The following ZRANB3 variants were observed in gnomAD, a reference collection of about 807,000 sequenced individuals.
ZRANB3 encodes the protein DNA annealing helicase and endonuclease ZRANB3.
ZRANB3 carries 125 observed loss-of-function variants against 133.8 expected under a neutral mutation model. The observed-to-expected ratio is 0.93, with a 90% CI of 0.81 to 1.08. The LOEUF is 1.08. Among genes scored for constraint, ZRANB3 ranks in the 50% least tolerant of loss-of-function variants. ZRANB3 has a pLI of 0.00. For synonymous variants in ZRANB3, 387 were observed against 432.7 expected, an observed-to-expected ratio of 0.89 and a Z score of 1.31; for missense variants, 1,229 against 1,275.5, an observed-to-expected ratio of 0.96 and a Z score of 0.56.
chr2:135,233,158 G>C (rs1472309723), intron 12 of ZRANB3, among the ~76,000 whole-genome samples: 1 of 152,218 alleles, frequency 6.6e-6, no homozygotes, highest in African/African-American at 2.4e-5. Context: ...ACAAGCCTCA[G>C]TAGCCGATTT....
chr2:135,231,933 A>G (rs1341173624), intron 12 of ZRANB3, among the ~76,000 whole-genome samples: 1 of 152,206 alleles, frequency 6.6e-6, no homozygotes, highest in Non-Finnish European at 1.5e-5. Context: ...GGGGAGTGTC[A>G]GACAGTGGGT....
At chr2:135,293,220 C>T (rs1366091217) in intron 8 of ZRANB3, among the ~76,000 whole-genome samples, 1 of 152,116 alleles carries the variant, frequency 6.6e-6, no homozygotes, top group African/African-American at 2.4e-5. Flanking sequence ...ATTCTTCCTA[C>T]CCATGAGCAT....
chr2:135,493,619 G>A lies in ZRANB3; in HGVS notation c.161+10710C>T, dbSNP rs185772466. ...AGTAAAACATAATAAGCTACATCTC[G>A]AATAGTCATTCATTTTGAATGCCTA... On this transcript the variant is annotated intron_variant, in intron 2 of 20. Coordinates refer to ENST00000264159, the MANE Select transcript of ZRANB3 (RefSeq NM_032143.4). 2.3e-4 allele frequency among the ~76,000 whole-genome samples: 35 copies of A among 152,118 alleles called. 1 individual carries two copies. Among genetic ancestry groups the A allele is most frequent in the Admixed American group, 1.8e-3 (28 of 15,266 alleles).
chr2:135,199,114 GTTA>G lies in ZRANB3; in HGVS notation c.*1225_*1227del, dbSNP rs1268042481. On this transcript the variant is annotated 3_prime_UTR_variant, in exon 21 of 21. Coordinates refer to ENST00000264159, the MANE Select transcript of ZRANB3 (RefSeq NM_032143.4). The stretch of plus-strand genomic sequence containing the variant: ...TATTTTATGTCAATTACATTTTAAT[GTTA>G]TTATTGTATATTTAAATGCATATAA... 6.6e-6 allele frequency: 1 copy of G among 152,072 alleles called. No individual in the cohort carries two copies. The highest frequency in any genetic ancestry group is 2.4e-5 in the African/African-American group (1 of 41,386). 9.4% of individuals were successfully genotyped at this position (152,072 alleles called of 1,614,324 possible). A position where few individuals can be genotyped will look rare whatever the true frequency, so the allele number is the denominator to read the frequency against.
chr2:135,298,589 C>T (rs911342679), intron 8 of ZRANB3, among the ~76,000 whole-genome samples: 1 of 152,116 alleles, frequency 6.6e-6, no homozygotes, highest in Non-Finnish European at 1.5e-5. Context: ...TGTTATTGCT[C>T]TTATGGGTCT....
chr2:135,433,232 C>A (rs1175654515), intron 2 of ZRANB3, among the ~76,000 whole-genome samples: 1 of 151,898 alleles, frequency 6.6e-6, no homozygotes, highest in East Asian at 1.9e-4. Context: ...ACAGAAAATA[C>A]AAAAATTAGC....
chr2:135,298,379 G>C (rs1469596903), intron 8 of ZRANB3, among the ~76,000 whole-genome samples: 3 of 152,208 alleles, frequency 2.0e-5, no homozygotes, highest in Admixed American at 6.5e-5. Context: ...ATCTTTTGGG[G>C]ATGTTAAAGA....
chr2:135,254,726 T>A (rs769622814), intron 12 of ZRANB3, among the ~76,000 whole-genome samples: 2 of 152,128 alleles, frequency 1.3e-5, no homozygotes, highest in Non-Finnish European at 2.9e-5. Flanking sequence ...TTGGCAACCA[T>A]CACCCCTGTT....
chr2:135,412,493 A>G (rs1688352610), intron 2 of ZRANB3, among the ~76,000 whole-genome samples: 1 of 152,156 alleles, frequency 6.6e-6, no homozygotes, highest in Admixed American at 6.6e-5. Context: ...TATATAAAAT[A>G]TATTTTCGTT....
chr2:135,458,551 G>T (rs928580477), intron 2 of ZRANB3, among the ~76,000 whole-genome samples: 2 of 152,014 alleles, frequency 1.3e-5, no homozygotes, highest in Non-Finnish European at 2.9e-5. Context: ...TACATACCAC[G>T]TTAACCACTT....
intron 1 of ZRANB3, among the ~76,000 whole-genome samples, chr2:135,519,062 C>A (rs142088759): frequency 1.3e-5 from 2 of 152,082 alleles, no homozygotes; most frequent in Admixed American, 1.3e-4. Flanking sequence ...TCCATTTACA[C>A]GACCTACTTG....
intron 8 of ZRANB3, among the ~76,000 whole-genome samples, chr2:135,284,969 C>T (rs1239276878): frequency 5.3e-5 from 8 of 151,954 alleles, no homozygotes; most frequent in Non-Finnish European, 1.0e-4. Flanking sequence ...CCTCAGCCAC[C>T]TGAGCAGCTG....
Position 135,511,741 on chromosome 2 carries a change from C to G in ZRANB3, c.-7-7245G>C, listed in dbSNP as rs563701394. The G allele has an allele frequency of 5.8e-5, 44 of 764,708 alleles. 1 individual carries two copies. Among genetic ancestry groups the G allele is most frequent in the Middle Eastern group, 6.4e-4 (2 of 3,146 alleles). The allele number at this position is 764,708 out of a possible 1,614,324, so 47.4% of individuals were successfully genotyped here. A position where few individuals can be genotyped will look rare whatever the true frequency, so the allele number is the denominator to read the frequency against. ...CTTGGTGTGGCAGTTGCTGAAGTTT[C>G]GTGACATCACTTTCCTGTGGATTTC... On this transcript the variant is annotated intron_variant, in intron 1 of 20. Transcript: ENST00000264159.
rs1378562081 is a variant in ZRANB3 at position 135,197,830 on chromosome 2, C to CT, written c.*2511dup. ...CAGCTCTGTTCCCTGGACCCAGAGC[C>CT]TTTTTTCTTTTTTGAGATGGGGCCT... On this transcript the variant is annotated 3_prime_UTR_variant, in exon 21 of 21. Coordinates refer to ENST00000264159, the MANE Select transcript of ZRANB3 (RefSeq NM_032143.4). 1 of 152,368 alleles carries CT rather than the reference C, an allele frequency of 6.6e-6. No homozygotes were observed. Among genetic ancestry groups the CT allele is most frequent in the African/African-American group, 2.4e-5 (1 of 41,444 alleles). 9.4% of individuals were successfully genotyped at this position (152,368 alleles called of 1,614,324 possible). A position where few individuals can be genotyped will look rare whatever the true frequency, so the allele number is the denominator to read the frequency against.
In ZRANB3 at chr2:135,227,027, C is replaced by G. The variant is rs182190606; in HGVS notation, c.2158+785G>C. On this transcript the variant is annotated intron_variant, in intron 14 of 20. Coordinates refer to ENST00000264159, the MANE Select transcript of ZRANB3 (RefSeq NM_032143.4). ...TTTCATTTTAAAGCTATGAGTCAGACTCTAAATTATATTAGTGTTTAATAG... is the reference window on the plus strand; with the variant it reads ...TTTCATTTTAAAGCTATGAGTCAGAGTCTAAATTATATTAGTGTTTAATAG... 9.8e-5 allele frequency among the ~76,000 whole-genome samples: 15 copies of G among 152,310 alleles called. No homozygotes were observed. In the East Asian group the frequency reaches 2.9e-3, roughly 29 times the overall value.
chr2:135,269,476 C>T (rs1680408320), intron 10 of ZRANB3, among the ~76,000 whole-genome samples: 1 of 152,102 alleles, frequency 6.6e-6, no homozygotes, highest in African/African-American at 2.4e-5. Flanking sequence ...AATGAGAATA[C>T]AATTTCCAAC....
chr2:135,268,655 C>T (rs888009669), intron 11 of ZRANB3, among the ~76,000 whole-genome samples: 4 of 152,086 alleles, frequency 2.6e-5, no homozygotes, highest in African/African-American at 7.2e-5. Context: ...TCTTAGGTTA[C>T]GCAAAGGACT....
intron 12 of ZRANB3, among the ~76,000 whole-genome samples, chr2:135,250,136 CTG>C (rs1328130945): frequency 6.6e-6 from 1 of 152,140 alleles, no homozygotes; most frequent in Non-Finnish European, 1.5e-5. Context: ...TTGCTGGGAA[CTG>C]GAGCAAAAGT....
chr2:135,242,968 G>C (rs1210109959), intron 12 of ZRANB3, among the ~76,000 whole-genome samples: 1 of 151,980 alleles, frequency 6.6e-6, no homozygotes, highest in African/African-American at 2.4e-5. Context: ...CATTGTCTCT[G>C]TTTCTTTTGT....
Sources: allele counts gnomAD v4.1 joint callset (sites outside exome capture counted in the v4.1 genomes callset), GRCh38; gene constraint gnomAD v4.1.1; transcripts MANE v1.5; gene names NCBI Gene and HGNC (gene_info 2026-07-23, HGNC 2026-07-21).